Variants in DMD observed in about 807,000 individuals in gnomAD.
The protein encoded by DMD is dystrophin, also known as mutant dystrophin.
DMD carries 63 observed loss-of-function variants against 330.1 expected under a neutral mutation model. That is an observed-to-expected ratio of 0.19 (90% CI 0.16 to 0.24). DMD has a LOEUF of 0.24. Ranked by LOEUF, DMD falls within the 10% of genes least tolerant of loss-of-function variation. The pLI is 1.00. For synonymous variants in DMD, 1,223 were observed against 959.8 expected (o/e 1.27, Z -5.07); for missense variants, 3,344 against 2,684.1 (o/e 1.25, Z -5.43).
chrX:31,372,997 G>A (rs1474272884), intron 60 of DMD, among the ~76,000 whole-genome samples: 2 of 111,034 alleles, frequency 1.8e-5, no homozygotes, highest in African/African-American at 6.5e-5. Flanking sequence ...AAAGCAATGT[G>A]CAAAAATCAC....
chrX:32,331,345 T>A (rs1326097068), intron 41 of DMD, among the ~76,000 whole-genome samples: 1 of 111,765 alleles, frequency 8.9e-6, no homozygotes, highest in Admixed American at 9.5e-5. Context: ...TAATACTAAC[T>A]TTAGTGAACC....
Position 31,456,838 on chromosome X carries a change from G to A in DMD, c.8938-12211C>T, listed in dbSNP as rs760721545. On this transcript the variant is annotated intron_variant, in intron 59 of 78. Coordinates refer to ENST00000357033, the MANE Select transcript of DMD (RefSeq NM_004006.3). The stretch of plus-strand genomic sequence containing the variant: ...CACTAGATACTGTGCCCACATATAT[G>A]TGTGTGTGTGTGTGTGTGTGTGTGT... 2.9e-3 allele frequency among the ~76,000 whole-genome samples: 101 copies of A among 34,752 alleles called. No individual in the cohort carries two copies. The East Asian group carries it at 0.047, about 16-fold the overall frequency. The allele number at this position is 34,752 out of a possible 115,157, so 30.2% of individuals were successfully genotyped here. A position where few individuals can be genotyped will look rare whatever the true frequency, so the allele number is the denominator to read the frequency against.
intron 44 of DMD, among the ~76,000 whole-genome samples, chrX:32,050,703 T>C (rs2096104439): frequency 9.0e-6 from 1 of 111,291 alleles, no homozygotes; most frequent in Non-Finnish European, 1.9e-5. Context: ...TTAAAGATAA[T>C]AGATGTTTTT....
intron 60 of DMD, among the ~76,000 whole-genome samples, chrX:31,379,013 T>C (rs984238256): frequency 4.5e-5 from 5 of 110,940 alleles, no homozygotes; most frequent in African/African-American, 1.6e-4. Context: ...AGGTGCCTGA[T>C]GTCCAGGCAT....
At chrX:33,092,158 A>G (rs1468134883) in intron 1 of DMD, among the ~76,000 whole-genome samples, 1 of 111,715 alleles carries the variant, frequency 9.0e-6, no homozygotes, top group African/African-American at 3.2e-5. Flanking sequence ...AAAAGGATTC[A>G]GTATGAGGTG....
intron 55 of DMD, among the ~76,000 whole-genome samples, chrX:31,527,577 T>A (rs757203197): frequency 1.8e-5 from 2 of 111,800 alleles, no homozygotes; most frequent in African/African-American, 3.3e-5. Context: ...GAGGCATAGG[T>A]CACCTTTCTG....
chrX:31,522,363 C>CTCTCTCTATATATATATATA, intron 55 of DMD, among the ~76,000 whole-genome samples: 93 of 35,950 alleles, frequency 2.6e-3, no homozygotes, highest in Non-Finnish European at 3.0e-3. Flanking sequence ...CTCTCTCTCT[C>CTCTCTCTATATATATATATA]TATATATATA....
chrX:31,659,639 G>T (rs1463556642), intron 53 of DMD, among the ~76,000 whole-genome samples: 1 of 39,974 alleles, frequency 2.5e-5, no homozygotes. Flanking sequence ...CTCCATCTCG[G>T]AAAAAAAAAA....
chrX:32,561,890 C>T (rs1233805723), intron 16 of DMD, among the ~76,000 whole-genome samples: 1 of 111,875 alleles, frequency 8.9e-6, no homozygotes, highest in Non-Finnish European at 1.9e-5. Flanking sequence ...TAATATTCAA[C>T]ACCGTGAAAG....
chrX:32,851,718 T>G (rs2081150307), intron 2 of DMD, among the ~76,000 whole-genome samples: 2 of 112,357 alleles, frequency 1.8e-5, no homozygotes, highest in Admixed American at 1.9e-4. Context: ...AGAGGCCATG[T>G]CTCATGTAGA....
chrX:33,124,493 A>AC (rs2095447530), intron 1 of DMD, among the ~76,000 whole-genome samples: 2 of 105,626 alleles, frequency 1.9e-5, no homozygotes, highest in African/African-American at 6.9e-5. Context: ...AAAAAAAAAA[A>AC]AAAAAAAAAA....
chrX:32,726,828 T>C (rs1214918737), intron 7 of DMD, among the ~76,000 whole-genome samples: 2 of 110,617 alleles, frequency 1.8e-5, no homozygotes, highest in Non-Finnish European at 3.8e-5. Context: ...ATTATAAATA[T>C]ATAAGATGAT....
intron 50 of DMD, among the ~76,000 whole-genome samples, chrX:31,802,991 T>C (rs1180464097): frequency 9.0e-6 from 1 of 111,567 alleles, no homozygotes; most frequent in Non-Finnish European, 1.9e-5. Flanking sequence ...ATCAAGGTAA[T>C]GCTTATGGAC....
intron 76 of DMD, among the ~76,000 whole-genome samples, chrX:31,143,785 C>T: frequency 9.0e-6 from 1 of 111,419 alleles, no homozygotes. Flanking sequence ...CTTCTAAGCA[C>T]CCAGGGCTCT....
At chrX:33,233,246 A>G (rs1328515682) in intron 1 of DMD, among the ~76,000 whole-genome samples, 1 of 111,822 alleles carries the variant, frequency 8.9e-6, no homozygotes, top group African/African-American at 3.3e-5. Context: ...CAACATCAAT[A>G]CGACATATGA....
At chrX:32,383,774 C>T (rs140856656) in intron 33 of DMD, among the ~76,000 whole-genome samples, 1,271 of 110,401 alleles carry the variant, frequency 0.012, 5 homozygotes, top group Non-Finnish European at 0.019. Context: ...GACATCATTA[C>T]GAGAATCATT....
At chrX:32,126,882 A>T (rs1306784879) in intron 44 of DMD, among the ~76,000 whole-genome samples, 1 of 112,242 alleles carries the variant, frequency 8.9e-6, no homozygotes. Context: ...CTACTTTAAC[A>T]TTAATTATAT....
chrX:32,276,532 A>G (rs2097388534), intron 43 of DMD, among the ~76,000 whole-genome samples: 1 of 111,855 alleles, frequency 8.9e-6, no homozygotes, highest in Admixed American at 9.5e-5. Flanking sequence ...CATCTTGGAT[A>G]CCAGCTTAGT....
At chrX:32,896,243 C>A (rs1172503185) in intron 2 of DMD, among the ~76,000 whole-genome samples, 1 of 111,365 alleles carries the variant, frequency 9.0e-6, no homozygotes, top group East Asian at 2.9e-4. Flanking sequence ...ATGATCAAAT[C>A]CCTCTTGATT....
Sources: allele counts gnomAD v4.1 joint callset (sites outside exome capture counted in the v4.1 genomes callset), GRCh38; gene constraint gnomAD v4.1.1; transcripts MANE v1.5; gene names NCBI Gene and HGNC (gene_info 2026-07-23, HGNC 2026-07-21).